RALYL: variants seen among roughly 807,000 people sequenced by gnomAD.
The protein encoded by RALYL is RALY RNA binding protein like.
RALYL carries 29 observed loss-of-function variants against 35.1 expected under a neutral mutation model. That is an observed-to-expected ratio of 0.83 (90% confidence interval 0.61 to 1.13). RALYL has a LOEUF of 1.13. Among genes scored for constraint, RALYL ranks in the 50% most tolerant of loss-of-function variants. The pLI is 0.00. For synonymous variants in RALYL, 120 were observed against 127.6 expected (o/e 0.94, Z 0.40); for missense variants, 359 against 360.4 (o/e 1.00, Z 0.03).
intron 2 of RALYL, among the ~76,000 whole-genome samples, chr8:84,694,423 A>G (rs1589054097): frequency 6.6e-6 from 1 of 151,950 alleles, no homozygotes; most frequent in East Asian, 1.9e-4. Context: ...ACACCTGTAT[A>G]ATGAGAACTA....
chr8:84,640,997 C>A (rs1036187079), intron 2 of RALYL, among the ~76,000 whole-genome samples: 2 of 151,618 alleles, frequency 1.3e-5, no homozygotes, highest in African/African-American at 4.8e-5. Flanking sequence ...CTTACATAGA[C>A]CATTTATGAC....
intron 1 of RALYL, among the ~76,000 whole-genome samples, chr8:84,377,458 T>TG (rs1554640547): frequency 1.9e-3 from 274 of 143,210 alleles, no homozygotes; most frequent in African/African-American, 7.2e-3. Context: ...ACTGTTTTTT[T>TG]TTTTTTTTTT....
At chr8:84,320,052 T>C (rs190273566) in intron 1 of RALYL, among the ~76,000 whole-genome samples, 63 of 152,164 alleles carry the variant, frequency 4.1e-4, no homozygotes, top group African/African-American at 1.4e-3. Context: ...GGTAAATGCT[T>C]TCTCCACGTT....
chr8:84,325,370 A>G (rs181253582), intron 1 of RALYL, among the ~76,000 whole-genome samples: 208 of 152,286 alleles, frequency 1.4e-3, no homozygotes, highest in African/African-American at 4.6e-3. Context: ...CTCTGCTATG[A>G]CTGTAAAATC....
chr8:84,711,296 A>T (rs1226238338), intron 2 of RALYL, among the ~76,000 whole-genome samples: 1 of 152,220 alleles, frequency 6.6e-6, no homozygotes, highest in African/African-American at 2.4e-5. Flanking sequence ...TAATATGTAT[A>T]TACTAACTTT....
intron 2 of RALYL, among the ~76,000 whole-genome samples, chr8:84,549,019 T>C (rs1289586205): frequency 6.6e-6 from 1 of 152,194 alleles, no homozygotes; most frequent in Non-Finnish European, 1.5e-5. Flanking sequence ...TTGGATGCTG[T>C]TTCCATATGG....
intron 1 of RALYL, among the ~76,000 whole-genome samples, chr8:84,514,017 C>T (rs2057838562): frequency 7.1e-6 from 1 of 140,780 alleles, no homozygotes. Flanking sequence ...ATCACTTGAA[C>T]CTGGAGGTAG....
chr8:84,368,916 C>A, intron 1 of RALYL, among the ~76,000 whole-genome samples: 1 of 152,140 alleles, frequency 6.6e-6, no homozygotes, highest in East Asian at 1.9e-4. Context: ...TACAATAATT[C>A]CCCATCAACT....
intron 1 of RALYL, among the ~76,000 whole-genome samples, chr8:84,445,882 C>CT (rs899627434): frequency 2.6e-5 from 4 of 150,946 alleles, no homozygotes; most frequent in Non-Finnish European, 4.4e-5. Flanking sequence ...TAATAGTATT[C>CT]TTTTTTTGAT....
intron 1 of RALYL, among the ~76,000 whole-genome samples, chr8:84,229,381 T>C (rs1051935704): frequency 6.6e-6 from 1 of 152,174 alleles, no homozygotes; most frequent in Non-Finnish European, 1.5e-5. Context: ...TCTGAACATG[T>C]AGAATGCAAA....
intron 6 of RALYL, among the ~76,000 whole-genome samples, chr8:84,863,583 A>C (rs1838554086): frequency 6.6e-6 from 1 of 152,194 alleles, no homozygotes; most frequent in African/African-American, 2.4e-5. Flanking sequence ...TAGCTAATAG[A>C]CATAGTAGAG....
chr8:84,457,708 T>A (rs2050298728), intron 1 of RALYL, among the ~76,000 whole-genome samples: 1 of 151,894 alleles, frequency 6.6e-6, no homozygotes, highest in African/African-American at 2.4e-5. Flanking sequence ...CTTTGAAGCC[T>A]ATTTCATTAT....
intron 1 of RALYL, among the ~76,000 whole-genome samples, chr8:84,266,752 A>G (rs1400620442): frequency 6.6e-6 from 1 of 152,096 alleles, no homozygotes; most frequent in Non-Finnish European, 1.5e-5. Flanking sequence ...CGAGGTCAGG[A>G]GATCGAGACC....
At chr8:84,838,687 C>A (rs542482993) in intron 4 of RALYL, among the ~76,000 whole-genome samples, 1 of 152,050 alleles carries the variant, frequency 6.6e-6, no homozygotes, top group African/African-American at 2.4e-5. Flanking sequence ...TCTTAGCAGT[C>A]AGGATTGAAC....
At chr8:84,606,396 C>G (rs1817155107) in intron 2 of RALYL, among the ~76,000 whole-genome samples, 1 of 152,062 alleles carries the variant, frequency 6.6e-6, no homozygotes, top group Admixed American at 6.6e-5. Context: ...TAATGTTAGT[C>G]TTTGGTTTCA....
At chr8:84,249,692 GC>G (rs1230870010) in intron 1 of RALYL, among the ~76,000 whole-genome samples, 2 of 152,112 alleles carry the variant, frequency 1.3e-5, no homozygotes, top group Non-Finnish European at 2.9e-5. Context: ...ATCAGAAGAT[GC>G]CTCTAGATTG....
At chr8:84,236,956 A>T (rs1312786830) in intron 1 of RALYL, among the ~76,000 whole-genome samples, 1 of 152,176 alleles carries the variant, frequency 6.6e-6, no homozygotes, top group Non-Finnish European at 1.5e-5. Context: ...AAGTAAATGT[A>T]TTTGGTTCTT....
intron 1 of RALYL, among the ~76,000 whole-genome samples, chr8:84,309,936 G>A (rs1160575807): frequency 6.6e-6 from 1 of 152,126 alleles, no homozygotes; most frequent in African/African-American, 2.4e-5. Flanking sequence ...TTTTGAGCAG[G>A]CTTGTCCAGA....
intron 1 of RALYL, among the ~76,000 whole-genome samples, chr8:84,233,701 C>T (rs1825868839): frequency 6.6e-6 from 1 of 152,138 alleles, no homozygotes; most frequent in South Asian, 2.1e-4. Flanking sequence ...ATTCTTGCCT[C>T]CATTCTTTTT....
Sources: allele counts gnomAD v4.1 joint callset (sites outside exome capture counted in the v4.1 genomes callset), GRCh38; gene constraint gnomAD v4.1.1; transcripts MANE v1.5; gene names NCBI Gene and HGNC (gene_info 2026-07-23, HGNC 2026-07-21).